The following GALNT17 variants were observed in gnomAD, a reference collection of about 807,000 sequenced individuals.
GALNT17 encodes polypeptide N-acetylgalactosaminyltransferase 17, also known as UDP-GalNAc:polypeptide N-acetylgalactosaminyltransferase-like 3.
In GALNT17, 29 loss-of-function variants were observed where a neutral mutation model predicts 63.7. The ratio of observed to expected loss-of-function variants is 0.46; its 90% confidence interval spans 0.34 to 0.62. The LOEUF (loss-of-function observed/expected upper bound fraction) is 0.62. GALNT17 is among the 20% of genes least tolerant of loss of function. GALNT17 has a pLI of 0.01. For synonymous variants in GALNT17, 305 were observed against 318.3 expected (o/e 0.96, Z 0.45); for missense variants, 603 against 799.6 (o/e 0.75, Z 2.97).
intron 1 of GALNT17, among the ~76,000 whole-genome samples, chr7:71,211,805 AT>A (rs2116393873): frequency 6.6e-6 from 1 of 152,296 alleles, no homozygotes; most frequent in South Asian, 2.1e-4. Flanking sequence ...CCCTCAAGAT[AT>A]GTGGAACTTT....
intron 9 of GALNT17, among the ~76,000 whole-genome samples, chr7:71,686,343 C>G (rs768708743): frequency 6.6e-6 from 1 of 151,762 alleles, no homozygotes; most frequent in Non-Finnish European, 1.5e-5. Flanking sequence ...CAGAGCAGTT[C>G]AATATTCCCC....
chr7:71,418,840 C>A (rs541673598), intron 4 of GALNT17, among the ~76,000 whole-genome samples: 1 of 152,296 alleles, frequency 6.6e-6, no homozygotes, highest in African/African-American at 2.4e-5. Flanking sequence ...TGGTGGCTTA[C>A]ACCTCTCAGC....
chr7:71,155,692 T>A (rs1788222029), intron 1 of GALNT17, among the ~76,000 whole-genome samples: 1 of 151,866 alleles, frequency 6.6e-6, no homozygotes, highest in Non-Finnish European at 1.5e-5. Context: ...TTTCTACTTT[T>A]TGTAGAACCT....
In GALNT17 at chr7:71,486,334, A is replaced by AAAT. The variant is rs68046826; in HGVS notation, c.962+65282_962+65284dup. 3.7e-3 allele frequency among the ~76,000 whole-genome samples: 490 copies of AAAT among 133,326 alleles called. 3 individuals carry two copies. The highest frequency in any genetic ancestry group is 3.7e-3 in the Middle Eastern group (1 of 268). 87.5% of individuals were successfully genotyped at this position (133,326 alleles called of 152,430 possible). A position where few individuals can be genotyped will look rare whatever the true frequency, so the allele number is the denominator to read the frequency against. ...AGTGACAGGGCAAGAGCCTGTCTGA[A>AAAT]AATAATAATAATAATAATAATAATA... On this transcript the variant is annotated intron_variant, in intron 5 of 10. Transcript: ENST00000333538.
chr7:71,656,619 C>G (rs1206847457), intron 6 of GALNT17, among the ~76,000 whole-genome samples: 2 of 151,844 alleles, frequency 1.3e-5, no homozygotes, highest in African/African-American at 4.8e-5. Flanking sequence ...GGCTGTGGTC[C>G]AGGTGGGAGA....
At chr7:71,255,479 A>C (rs970881334) in intron 1 of GALNT17, among the ~76,000 whole-genome samples, 1 of 152,216 alleles carries the variant, frequency 6.6e-6, no homozygotes, top group Non-Finnish European at 1.5e-5. Flanking sequence ...CTTTGTCAGC[A>C]GTGTGAAAAT....
intron 6 of GALNT17, among the ~76,000 whole-genome samples, chr7:71,637,425 G>A (rs1215092004): frequency 6.6e-6 from 1 of 151,424 alleles, no homozygotes; most frequent in African/African-American, 2.4e-5. Flanking sequence ...TCCTGACCTC[G>A]TGATCCACCT....
intron 3 of GALNT17, among the ~76,000 whole-genome samples, chr7:71,391,606 C>T (rs1421908156): frequency 4.6e-5 from 7 of 152,228 alleles, no homozygotes; most frequent in Non-Finnish European, 1.0e-4. Flanking sequence ...TCTCAGCCCC[C>T]TGAGAGGCTG....
intron 1 of GALNT17, among the ~76,000 whole-genome samples, chr7:71,234,288 G>T (rs1789845448): frequency 6.6e-6 from 1 of 152,140 alleles, no homozygotes; most frequent in South Asian, 2.1e-4. Context: ...TTGAGTCAGA[G>T]TCTCACTCTG....
At chr7:71,323,570 A>G (rs1219989405) in intron 1 of GALNT17, among the ~76,000 whole-genome samples, 2 of 152,250 alleles carry the variant, frequency 1.3e-5, no homozygotes, top group East Asian at 3.8e-4. Flanking sequence ...GGAAAATGTC[A>G]AAATCATCAT....
chr7:71,348,414 G>A (rs549821885), intron 2 of GALNT17, among the ~76,000 whole-genome samples: 3 of 152,300 alleles, frequency 2.0e-5, no homozygotes, highest in African/African-American at 4.8e-5. Flanking sequence ...CCTGAAATGC[G>A]TTTAAAACAA....
chr7:71,618,438 G>A (rs1453366451), intron 6 of GALNT17, among the ~76,000 whole-genome samples: 2 of 152,180 alleles, frequency 1.3e-5, no homozygotes, highest in African/African-American at 4.8e-5. Context: ...CCAACAGTGT[G>A]TAAGCATTCC....
intron 5 of GALNT17, among the ~76,000 whole-genome samples, chr7:71,490,793 G>A (rs1194969985): frequency 6.6e-6 from 1 of 152,108 alleles, no homozygotes; most frequent in African/African-American, 2.4e-5. Flanking sequence ...CCAGTACTTT[G>A]GAAGGCTGAG....
chr7:71,341,255 A>G (rs755587791), intron 2 of GALNT17, among the ~76,000 whole-genome samples: 8 of 152,146 alleles, frequency 5.3e-5, no homozygotes, highest in Non-Finnish European at 8.8e-5. Flanking sequence ...GAAAAGTTCT[A>G]AAAAGTAGAA....
At chr7:71,707,905 A>T (rs1225795507) in intron 9 of GALNT17, among the ~76,000 whole-genome samples, 1 of 152,192 alleles carries the variant, frequency 6.6e-6, no homozygotes, top group African/African-American at 2.4e-5. Flanking sequence ...GGATGGGGGA[A>T]CAGACTCCAT....
chr7:71,270,917 T>G (rs558840312), intron 1 of GALNT17, among the ~76,000 whole-genome samples: 38 of 150,406 alleles, frequency 2.5e-4, no homozygotes, highest in African/African-American at 8.3e-4. Context: ...TGTCCTCATC[T>G]TATCTGACCT....
Position 71,237,527 on chromosome 7 carries a change from A to AG in GALNT17, c.239-98023_239-98022insG, listed in dbSNP as rs1199387187. Among the ~76,000 whole-genome samples, 10 of 151,344 alleles carry AG rather than the reference A, an allele frequency of 6.6e-5. 1 individual carries two copies. Among genetic ancestry groups the AG allele is most frequent in the African/African-American group, 2.4e-4 (10 of 41,030 alleles). On this transcript the variant is annotated intron_variant, in intron 1 of 10. Coordinates refer to ENST00000333538, the MANE Select transcript of GALNT17 (RefSeq NM_022479.3). ...CCCATCTCTGAAAAAAAAAAAAAAA[A>AG]AAAAAGAAAAAACAGGGCATAATTG... is the stretch of plus-strand genomic sequence containing the variant.
chr7:71,531,311 T>G (rs12699050), intron 5 of GALNT17, among the ~76,000 whole-genome samples: 2,653 of 152,346 alleles, frequency 0.017, 33 homozygotes, highest in Non-Finnish European at 0.03. Context: ...ATTATTATTA[T>G]TTTGTGATGA....
intron 1 of GALNT17, among the ~76,000 whole-genome samples, chr7:71,274,785 C>T (rs1790654513): frequency 6.6e-6 from 1 of 152,154 alleles, no homozygotes. Context: ...TGTCCAGGTA[C>T]CCCGCAGAGG....
Sources: allele counts gnomAD v4.1 joint callset (sites outside exome capture counted in the v4.1 genomes callset), GRCh38; gene constraint gnomAD v4.1.1; transcripts MANE v1.5; gene names NCBI Gene and HGNC (gene_info 2026-07-23, HGNC 2026-07-21).